RAPGEF4: variants seen among roughly 807,000 people sequenced by gnomAD.
RAPGEF4 encodes the protein RAP guanine-nucleotide-exchange factor (GEF) 4.
A neutral mutation model predicts 147.9 loss-of-function variants in RAPGEF4; 66 were observed. That is an observed-to-expected ratio of 0.45 (90% CI 0.37 to 0.55). RAPGEF4 has a LOEUF of 0.55. Ranked by LOEUF, RAPGEF4 falls within the 20% of genes least tolerant of loss-of-function variation. The pLI, the probability that RAPGEF4 is intolerant of heterozygous loss-of-function variation, is 0.00. For synonymous variants in RAPGEF4, 419 were observed against 442.7 expected (o/e 0.95, Z 0.67); for missense variants, 1,071 against 1,257.3 (o/e 0.85, Z 2.24).
chr2:172,775,666 T>A (rs1684088865), intron 1 of RAPGEF4, among the ~76,000 whole-genome samples: 1 of 152,208 alleles, frequency 6.6e-6, no homozygotes, highest in Non-Finnish European at 1.5e-5. Context: ...GTTTTGGAAC[T>A]ATGAAAATGA....
In RAPGEF4 at chr2:172,950,733, G is replaced by C. The variant is rs1034811050; in HGVS notation, c.538-10027G>C. ...TTTGATTTTCCTGTAAGGTACTTGAGTATTCCAAAAATAAGGACAATTGTG... is the reference window on the plus strand; with the variant it reads ...TTTGATTTTCCTGTAAGGTACTTGACTATTCCAAAAATAAGGACAATTGTG... On this transcript the variant is annotated intron_variant, in intron 6 of 30. Transcript: ENST00000397081. Among the ~76,000 whole-genome samples the C allele has an allele frequency of 3.9e-5, 6 of 152,196 alleles. No individual in the cohort carries two copies. In the East Asian group the frequency reaches 9.6e-4, roughly 24 times the overall value.
At chr2:172,968,044 G>A (rs1690043468) in intron 10 of RAPGEF4, among the ~76,000 whole-genome samples, 1 of 152,140 alleles carries the variant, frequency 6.6e-6, no homozygotes, top group East Asian at 1.9e-4. Context: ...TGCAATTGTG[G>A]ACTCTGAAAT....
chr2:172,819,673 G>A (rs1246791550), intron 4 of RAPGEF4, among the ~76,000 whole-genome samples: 3 of 151,690 alleles, frequency 2.0e-5, no homozygotes, highest in Admixed American at 2.0e-4. Flanking sequence ...CACCGTTTTA[G>A]CCAGGATGGT....
chr2:173,048,502 A>C (rs1685779312), intron 29 of RAPGEF4, 98 bp from the exon 30 acceptor site: 1 of 1,544,248 alleles, frequency 6.5e-7, no homozygotes, highest in East Asian at 2.4e-5. Context: ...GTCACTTCTC[A>C]TGGTACCAAG....
intron 17 of RAPGEF4, among the ~76,000 whole-genome samples, chr2:173,002,016 T>G (rs79704383): frequency 6.8e-5 from 3 of 44,066 alleles, no homozygotes; most frequent in Non-Finnish European, 1.2e-4. Context: ...AAAAAAAAAA[T>G]CCATTGCCTG....
At chr2:172,759,922 G>C (rs376405725) in intron 1 of RAPGEF4, among the ~76,000 whole-genome samples, 1 of 152,348 alleles carries the variant, frequency 6.6e-6, no homozygotes, top group African/African-American at 2.4e-5. Context: ...AGAAAAGGCA[G>C]ACTGGCTTGG....
intron 1 of RAPGEF4, among the ~76,000 whole-genome samples, chr2:172,790,247 T>G (rs1262393866): frequency 2.0e-5 from 3 of 152,218 alleles, no homozygotes; most frequent in Non-Finnish European, 4.4e-5. Flanking sequence ...TTGTATGTCT[T>G]CTTTGGAGAA....
chr2:172,904,029 T>C (rs1284680601), intron 4 of RAPGEF4, among the ~76,000 whole-genome samples: 1 of 152,186 alleles, frequency 6.6e-6, no homozygotes, highest in Non-Finnish European at 1.5e-5. Context: ...TCAACAGTCA[T>C]GGGCTATTAC....
intron 15 of RAPGEF4, among the ~76,000 whole-genome samples, chr2:172,993,407 CA>C (rs1693022137): frequency 6.6e-6 from 1 of 152,188 alleles, no homozygotes; most frequent in African/African-American, 2.4e-5. Flanking sequence ...TGCAGGAAGA[CA>C]GTCTCTTTCA....
chr2:172,939,500 T>G (rs1041089016), intron 6 of RAPGEF4, among the ~76,000 whole-genome samples: 1 of 152,192 alleles, frequency 6.6e-6, no homozygotes, highest in African/African-American at 2.4e-5. Flanking sequence ...CTTTTCTTAT[T>G]GTTTGGAGAA....
chr2:173,044,340 T>A (rs1685164469), intron 29 of RAPGEF4, among the ~76,000 whole-genome samples: 3 of 152,140 alleles, frequency 2.0e-5, no homozygotes, highest in Admixed American at 6.5e-5. Context: ...TGGTTTGGGC[T>A]GGTTTCTTTG....
intron 1 of RAPGEF4, among the ~76,000 whole-genome samples, chr2:172,740,041 C>G (rs1488324713): frequency 1.3e-5 from 2 of 152,186 alleles, no homozygotes; most frequent in Non-Finnish European, 1.5e-5. Context: ...GGAACATAGC[C>G]ATGCTCATTT....
At chr2:172,898,904 A>G (rs965788786) in intron 4 of RAPGEF4, among the ~76,000 whole-genome samples, 2 of 152,184 alleles carry the variant, frequency 1.3e-5, no homozygotes, top group African/African-American at 2.4e-5. Context: ...GGAAGTTTTA[A>G]AAAGGCACTC....
intron 12 of RAPGEF4, among the ~76,000 whole-genome samples, chr2:172,987,587 A>G (rs1437510346): frequency 1.3e-5 from 2 of 152,234 alleles, no homozygotes; most frequent in Admixed American, 1.3e-4. Flanking sequence ...TATTCCTTAA[A>G]TAATACAGTA....
chr2:172,895,285 A>G (rs1483535033), intron 4 of RAPGEF4, among the ~76,000 whole-genome samples: 1 of 152,180 alleles, frequency 6.6e-6, no homozygotes, highest in Non-Finnish European at 1.5e-5. Context: ...ACTTGTCCAT[A>G]GGATTTAATT....
chr2:173,004,777 TA>T (rs1575494178), intron 17 of RAPGEF4, among the ~76,000 whole-genome samples: 2 of 152,062 alleles, frequency 1.3e-5, no homozygotes, highest in East Asian at 3.8e-4. Flanking sequence ...TTTTAGAATT[TA>T]TATATACATT....
chr2:172,869,984 G>A (rs139797746), intron 4 of RAPGEF4, among the ~76,000 whole-genome samples: 128 of 152,236 alleles, frequency 8.4e-4, no homozygotes, highest in African/African-American at 3.0e-3. Flanking sequence ...CACTCCCGGG[G>A]AGTGGGCATT....
chr2:172,976,506 T>A (rs1026289), intron 10 of RAPGEF4, among the ~76,000 whole-genome samples: 63,149 of 152,008 alleles, frequency 0.42, 13,609 homozygotes, highest in South Asian at 0.6. Flanking sequence ...GATGAAGCGT[T>A]GCATCAAAAA....
chr2:172,827,428 C>T (rs1689788834), intron 4 of RAPGEF4, among the ~76,000 whole-genome samples: 2 of 152,118 alleles, frequency 1.3e-5, no homozygotes, highest in Admixed American at 1.3e-4. Flanking sequence ...TTCTCTCTGC[C>T]TCTCCTTGTC....
Sources: gnomAD v4.1 joint callset for allele counts (sites outside exome capture counted in the v4.1 genomes callset) on GRCh38, gnomAD v4.1.1 for gene constraint, MANE v1.5 for transcripts, NCBI Gene and HGNC (gene_info 2026-07-23, HGNC 2026-07-21) for gene names.